Variants in TRPM2 observed in about 807,000 individuals in gnomAD.
The protein encoded by TRPM2 is estrogen-responsive element-associated gene 1 protein.
TRPM2 carries 161 observed loss-of-function variants against 174.0 expected under a neutral mutation model. That is an observed-to-expected ratio of 0.93 (90% CI 0.81 to 1.05). The LOEUF (loss-of-function observed/expected upper bound fraction) is 1.05. Ranked by LOEUF, TRPM2 falls within the 50% of genes least tolerant of loss-of-function variation. The pLI is 0.00. For synonymous variants in TRPM2, 954 were observed against 861.3 expected (o/e 1.11, Z -1.88); for missense variants, 2,057 against 2,038.0 (o/e 1.01, Z -0.18).
chr21:44,429,909 T>C (rs1035428147), intron 27 of TRPM2, among the ~76,000 whole-genome samples: 1 of 152,320 alleles, frequency 6.6e-6, no homozygotes, highest in Non-Finnish European at 1.5e-5. Context: ...TTAAGTATGG[T>C]ATTTACTGAA....
At chr21:44,422,129 A>G in intron 22 of TRPM2, 1 of 914,262 alleles carries the variant, frequency 1.1e-6, no homozygotes, top group Non-Finnish European at 1.6e-6. Flanking sequence ...AGAGCTCCTC[A>G]GCCCGTACCA....
rs986841916 is a variant in TRPM2, at chr21:44,367,301, G to A, written c.604+367G>A. Among the ~76,000 whole-genome samples, 2 of 152,134 alleles carry A rather than the reference G, an allele frequency of 1.3e-5. No homozygotes were observed. The highest frequency in any genetic ancestry group is 2.4e-5 in the African/African-American group (1 of 41,412). On this transcript the variant is annotated intron_variant, in intron 4 of 31. Coordinates refer to ENST00000397928, the MANE Select transcript of TRPM2 (RefSeq NM_003307.4). This position sits in a 1 kb window ranked among gnomAD's most constrained non-coding sequence, Gnocchi z 4.6. ...GGAATCTTGGTGGCCTGAGAACCTC[G>A]GTGGCCTGGGTGCACGGCTGGGGCC...
intron 19 of TRPM2, among the ~76,000 whole-genome samples, chr21:44,412,982 T>G (rs570880335): frequency 6.6e-6 from 1 of 152,238 alleles, no homozygotes; most frequent in East Asian, 1.9e-4. Context: ...AAGAATGTTA[T>G]TCATAATTTC....
At position 44,441,966 on chromosome 21, in the gene TRPM2, CA is replaced by C; in HGVS notation, c.*151del. On this transcript the variant is annotated 3_prime_UTR_variant, in exon 32 of 32. Transcript: ENST00000397928. ...GACCCAGTGCCCCTCACGGCTGCCG[CA>C]AGTCTGCTGCAGATGACCTCATGAA... 1.7e-6 allele frequency: 2 copies of C among 1,197,274 alleles called. No individual in the cohort carries two copies. Among genetic ancestry groups the C allele is most frequent in the Non-Finnish European group, 2.2e-6 (2 of 911,432 alleles). 74.2% of individuals were successfully genotyped at this position (1,197,274 alleles called of 1,614,324 possible).
chr21:44,407,990 G>T (rs1174532491), intron 19 of TRPM2, among the ~76,000 whole-genome samples: 1 of 151,526 alleles, frequency 6.6e-6, no homozygotes, highest in East Asian at 1.9e-4. Flanking sequence ...GAGGGAGTCA[G>T]GCCAAAGTGC....
chr21:44,403,530 GCA>G (rs959725398), intron 16 of TRPM2, among the ~76,000 whole-genome samples: 5 of 145,796 alleles, frequency 3.4e-5, no homozygotes, highest in Admixed American at 6.8e-5. Context: ...GCACACAAAT[GCA>G]CACACACATA....
intron 11 of TRPM2, among the ~76,000 whole-genome samples, chr21:44,393,168 C>T (rs1238486328): frequency 1.3e-5 from 2 of 152,146 alleles, no homozygotes; most frequent in Non-Finnish European, 2.9e-5. Flanking sequence ...GTCTGTTTAC[C>T]CTTTTTCAGT....
At chr21:44,430,831 A>T (rs1161700784) in intron 27 of TRPM2, among the ~76,000 whole-genome samples, 1 of 152,042 alleles carries the variant, frequency 6.6e-6, no homozygotes, top group Non-Finnish European at 1.5e-5. Context: ...TTTTCTGGAA[A>T]ATTATAATTT....
At chr21:44,383,932 T>C (rs1324036732) in intron 9 of TRPM2, among the ~76,000 whole-genome samples, 1 of 152,138 alleles carries the variant, frequency 6.6e-6, no homozygotes, top group Non-Finnish European at 1.5e-5. Context: ...AACCTAACTT[T>C]ACAACTTAAG....
Position 44,391,358 on chromosome 21 carries a change from G to C in TRPM2, c.1527G>C (p.Gln509His). 1 of 1,614,174 alleles carries C rather than the reference G, an allele frequency of 6.2e-7. No individual in the cohort carries two copies. Among genetic ancestry groups the C allele is most frequent in the Non-Finnish European group, 8.5e-7 (1 of 1,180,046 alleles). Residue 509 changes from glutamine to histidine, a missense_variant, in exon 11 of 32, where the codon CAG (glutamine) becomes CAC (histidine). Gln to His is a conservative substitution (Grantham distance 24, BLOSUM62 0). Transcript: ENST00000397928. This position sits in a 1 kb window ranked among gnomAD's most constrained non-coding sequence, Gnocchi z 5.0. Reference protein sequence around the residue: ...FVKLFLENGVQLKEFVTWDTL... With the variant: ...FVKLFLENGVHLKEFVTWDTL... ...AGCTCTTCCTGGAGAACGGGGTGCA[G>C]CTGAAGGAGTTTGTCACCTGGGACA...
rs1021502363 is a variant in TRPM2 at position 44,367,933 on chromosome 21, C to T, written c.604+999C>T. Among the ~76,000 whole-genome samples the T allele has an allele frequency of 6.6e-6, 1 of 152,254 alleles. No homozygotes were observed. The highest frequency in any genetic ancestry group is 1.5e-5 in the Non-Finnish European group (1 of 68,042). On this transcript the variant is annotated intron_variant, in intron 4 of 31. Coordinates refer to ENST00000397928, the MANE Select transcript of TRPM2 (RefSeq NM_003307.4). This position sits in a 1 kb window ranked among gnomAD's most constrained non-coding sequence, Gnocchi z 4.6. The stretch of plus-strand genomic sequence containing the variant: ...TTAACGCAGGTCACCATCCCACAGG[C>T]TCTTTCTGAAGCTTTGCTGCCTCAA...
intron 2 of TRPM2, among the ~76,000 whole-genome samples, chr21:44,355,481 G>A (rs901752049): frequency 5.9e-5 from 9 of 152,166 alleles, no homozygotes; most frequent in African/African-American, 2.2e-4. Context: ...AAGGCCTATT[G>A]CAGATGCTGC....
Position 44,406,056 on chromosome 21 carries a change from C to T in TRPM2, c.2790+19C>T, listed in dbSNP as rs372712410. On this transcript the variant is annotated intron_variant, in intron 18 of 31. Coordinates refer to ENST00000397928, the MANE Select transcript of TRPM2 (RefSeq NM_003307.4). ...GCGGATGGTAAGGGGGCGGGGGCAC[C>T]GGCTCCATCGCGGCCTGCAGCCCAG... 8.8e-5 allele frequency: 141 copies of T among 1,601,472 alleles called. No individual in the cohort carries two copies. Among genetic ancestry groups the T allele is most frequent in the South Asian group, 2.2e-4 (20 of 91,010 alleles).
Position 44,367,036 on chromosome 21 carries a change from G to T in TRPM2, c.604+102G>T. ...CCATCAGGACCCAAAAAGTCCCTGG[G>T]AGCCGCCGAGGCTGTGCCCCAGCCT... On this transcript the variant is annotated intron_variant, in intron 4 of 31. Coordinates refer to ENST00000397928, the MANE Select transcript of TRPM2 (RefSeq NM_003307.4). The surrounding 1 kb of genome is among the most constrained non-coding windows in gnomAD (Gnocchi z 4.6). 1 of 1,369,948 alleles carries T rather than the reference G, an allele frequency of 7.3e-7. No individual in the cohort carries two copies. The allele number at this position is 1,369,948 out of a possible 1,614,324, so 84.9% of individuals were successfully genotyped here.
At chr21:44,382,538 G>T (rs888933831) in intron 8 of TRPM2, among the ~76,000 whole-genome samples, 180 bp from the exon 9 acceptor site, 1 of 152,060 alleles carries the variant, frequency 6.6e-6, no homozygotes, top group African/African-American at 2.4e-5. Flanking sequence ...TGATGTATTT[G>T]GTCCCCATGG....
intron 2 of TRPM2, among the ~76,000 whole-genome samples, chr21:44,362,945 T>C (rs2048258928): frequency 6.6e-6 from 1 of 152,136 alleles, no homozygotes; most frequent in Admixed American, 6.5e-5. Context: ...AGCTGATTTT[T>C]TAGATTTTAG....
chr21:44,435,075 C>T, intron 27 of TRPM2, 56 bp from the exon 28 acceptor site: 2 of 1,564,372 alleles, frequency 1.3e-6, no homozygotes, highest in Non-Finnish European at 1.8e-6. Flanking sequence ...CCTCCCTGCC[C>T]TGTCCTGCTC....
intron 25 of TRPM2, 49 bp downstream of exon 25, chr21:44,425,876 G>A (rs1368424234): frequency 6.7e-7 from 1 of 1,483,182 alleles, no homozygotes; most frequent in South Asian, 1.4e-5. Context: ...GGCCCCTGGG[G>A]AGGGGAGGGC....
intron 2 of TRPM2, among the ~76,000 whole-genome samples, chr21:44,356,681 GA>G (rs1337330545): frequency 6.6e-6 from 1 of 152,094 alleles, no homozygotes; most frequent in African/African-American, 2.4e-5. Flanking sequence ...GACCTCAGGT[GA>G]TCCACCAGCC....
Sources: gnomAD v4.1 joint callset for allele counts (sites outside exome capture counted in the v4.1 genomes callset) on GRCh38, gnomAD v4.1.1 for gene constraint, Gnocchi (gnomAD v3.1) non-coding constraint, MANE v1.5 for transcripts, NCBI Gene and HGNC (gene_info 2026-07-23, HGNC 2026-07-21) for gene names.